CSTPP1: variants seen among roughly 807,000 people sequenced by gnomAD.
CSTPP1 encodes the protein UPF0705 protein C11orf49.
the CSTPP1 span, among the ~76,000 whole-genome samples, chr11:47,150,516 G>A: frequency 2.6e-5 from 4 of 152,204 alleles, no homozygotes; most frequent in African/African-American, 4.8e-5. Context: ...GGAGGTTTCC[G>A]AGAACTGCAG....
chr11:47,061,623 G>T, the CSTPP1 span, among the ~76,000 whole-genome samples: 2 of 152,076 alleles, frequency 1.3e-5, no homozygotes, highest in Admixed American at 1.3e-4. Context: ...TGTTCCATGT[G>T]GTCTCTTCAG....
At chr11:47,157,758 G>C in the CSTPP1 span, 1 of 1,532,414 alleles carries the variant, frequency 6.5e-7, no homozygotes, top group African/African-American at 1.4e-5. Context: ...AAGTATGGAT[G>C]CAGAGGTGGC....
the CSTPP1 span, among the ~76,000 whole-genome samples, chr11:47,121,217 T>A: frequency 1.6e-4 from 24 of 152,236 alleles, no homozygotes; most frequent in Admixed American, 1.4e-3. Flanking sequence ...CTAATTATAG[T>A]TCTTTTTCCT....
the CSTPP1 span, among the ~76,000 whole-genome samples, chr11:46,970,924 C>T: frequency 3.3e-5 from 5 of 152,114 alleles, no homozygotes; most frequent in South Asian, 4.2e-4. Context: ...ATAGATACTA[C>T]GATGTAGCCA....
At chr11:47,036,507 A>T in the CSTPP1 span, among the ~76,000 whole-genome samples, 1 of 120,868 alleles carries the variant, frequency 8.3e-6, no homozygotes, top group Non-Finnish European at 1.9e-5. Flanking sequence ...TAGCTAGCTC[A>T]GTACATTTTA....
the CSTPP1 span, among the ~76,000 whole-genome samples, chr11:46,941,884 G>C: frequency 2.6e-5 from 4 of 152,142 alleles, no homozygotes; most frequent in African/African-American, 7.2e-5. Context: ...AGTTCCCCTT[G>C]GTTAGTGTAT....
the CSTPP1 span, among the ~76,000 whole-genome samples, chr11:47,021,054 CT>C: frequency 1.3e-5 from 2 of 152,182 alleles, no homozygotes; most frequent in African/African-American, 4.8e-5. Flanking sequence ...GAAAGGATTA[CT>C]TTTTGCCAGC....
chr11:47,128,409 T>C, the CSTPP1 span, among the ~76,000 whole-genome samples: 1 of 152,204 alleles, frequency 6.6e-6, no homozygotes, highest in East Asian at 1.9e-4. Flanking sequence ...TGAGACAGGG[T>C]CTCACTCAGT....
the CSTPP1 span, among the ~76,000 whole-genome samples, chr11:47,065,193 G>T: frequency 2.0e-5 from 3 of 152,014 alleles, no homozygotes; most frequent in Non-Finnish European, 4.4e-5. Context: ...ATTTTGATAG[G>T]ATTGCAGTGA....
At chr11:46,969,964 G>A in the CSTPP1 span, among the ~76,000 whole-genome samples, 373 of 152,008 alleles carry the variant, frequency 2.5e-3, 1 homozygote, top group African/African-American at 8.2e-3. Flanking sequence ...ACATGGTTTC[G>A]CCATGTTGGC....
the CSTPP1 span, chr11:47,041,585 C>T: frequency 4.0e-5 from 16 of 402,814 alleles, 4 homozygotes; most frequent in South Asian, 2.2e-4. Flanking sequence ...TCATTGATGC[C>T]GGGAAAGGCG....
the CSTPP1 span, among the ~76,000 whole-genome samples, chr11:46,978,375 G>A: frequency 6.6e-6 from 1 of 152,200 alleles, no homozygotes; most frequent in Non-Finnish European, 1.5e-5. Context: ...GGGCCTGGCA[G>A]AAAAGGTAGG....
the CSTPP1 span, among the ~76,000 whole-genome samples, chr11:47,133,251 G>A: frequency 3.3e-5 from 5 of 152,370 alleles, no homozygotes; most frequent in African/African-American, 1.2e-4. Context: ...TGAGACTAGT[G>A]CAAGGCTTAG....
the CSTPP1 span, among the ~76,000 whole-genome samples, chr11:47,145,275 C>T: frequency 6.6e-6 from 1 of 151,966 alleles, no homozygotes; most frequent in Admixed American, 6.5e-5. Context: ...CGTGGGCCAC[C>T]GCACCCGGCT....
the CSTPP1 span, among the ~76,000 whole-genome samples, chr11:47,107,175 A>G: frequency 6.6e-6 from 1 of 152,212 alleles, no homozygotes; most frequent in African/African-American, 2.4e-5. Context: ...TTGTATACTC[A>G]GGCACACCAG....
the CSTPP1 span, among the ~76,000 whole-genome samples, chr11:46,942,842 G>A: frequency 1.3e-5 from 2 of 152,068 alleles, no homozygotes; most frequent in African/African-American, 4.8e-5. Context: ...GGTCACACAG[G>A]CAATGATGCA....
chr11:47,157,702 C>T, the CSTPP1 span: 6 of 1,055,724 alleles, frequency 5.7e-6, no homozygotes, highest in Non-Finnish European at 8.5e-6. Flanking sequence ...CTTGGGGCTC[C>T]CAAGGCAGGT....
At chr11:47,014,123 G>T in the CSTPP1 span, among the ~76,000 whole-genome samples, 1 of 151,908 alleles carries the variant, frequency 6.6e-6, no homozygotes, top group Non-Finnish European at 1.5e-5. Flanking sequence ...AGCCCAGAAG[G>T]TCAAGGCTGC....
chr11:47,161,289 C>A, the CSTPP1 span: 1 of 1,603,022 alleles, frequency 6.2e-7, no homozygotes, highest in African/African-American at 1.3e-5. Flanking sequence ...TCTGTAACAT[C>A]CCACATCTGC....
Sources: allele counts gnomAD v4.1 joint callset (sites outside exome capture counted in the v4.1 genomes callset), GRCh38; gene constraint gnomAD v4.1.1; transcripts MANE v1.5; gene names NCBI Gene and HGNC (gene_info 2026-07-23, HGNC 2026-07-21).